PROM1: variants seen among roughly 807,000 people sequenced by gnomAD.
PROM1 encodes the protein prominin 1.
Under a neutral mutation model 116.9 loss-of-function variants are expected in PROM1, and 105 were observed. That is an observed-to-expected ratio of 0.90 (90% CI 0.77 to 1.06). The LOEUF (loss-of-function observed/expected upper bound fraction) is 1.06, where lower values mean the gene tolerates loss of function less well. Among genes scored for constraint, PROM1 ranks in the 50% least tolerant of loss-of-function variants. The pLI, the probability that PROM1 is intolerant of heterozygous loss-of-function variation, is 0.00. For synonymous variants in PROM1, 393 were observed against 387.0 expected (o/e 1.02, Z -0.18); for missense variants, 1,122 against 1,045.2 (o/e 1.07, Z -1.01).
At chr4:16,047,214 T>C (rs948055598) in intron 2 of PROM1, among the ~76,000 whole-genome samples, 1 of 151,042 alleles carries the variant, frequency 6.6e-6, no homozygotes. Context: ...ACTGCCTTTC[T>C]TTTTTTTTGA....
chr4:15,999,674 A>C (rs564612519), intron 14 of PROM1, among the ~76,000 whole-genome samples: 1 of 152,184 alleles, frequency 6.6e-6, no homozygotes, highest in African/African-American at 2.4e-5. Flanking sequence ...CAAAAGGCCA[A>C]ATGGAGATCA....
At chr4:16,082,772 G>C (rs1745279350) in intron 1 of PROM1, among the ~76,000 whole-genome samples, 1 of 152,126 alleles carries the variant, frequency 6.6e-6, no homozygotes, top group South Asian at 2.1e-4. Flanking sequence ...AGAGAGAAGG[G>C]GTTCTGGAGC....
intron 26 of PROM1, among the ~76,000 whole-genome samples, chr4:15,974,636 AT>A (rs142279535): frequency 7.6e-4 from 115 of 150,398 alleles, no homozygotes; most frequent in African/African-American, 1.6e-3. Flanking sequence ...ACATTAAATA[AT>A]TTTTTTTTTC....
intron 2 of PROM1, among the ~76,000 whole-genome samples, chr4:16,050,574 G>C (rs918856079): frequency 1.3e-5 from 2 of 152,084 alleles, no homozygotes; most frequent in Non-Finnish European, 2.9e-5. Flanking sequence ...GGGTGGTCTC[G>C]AACTCCTGGG....
chr4:16,083,821 AG>A (rs1745495748), intron 1 of PROM1, 156 bp downstream of exon 1: 1 of 150,652 alleles, frequency 6.6e-6, no homozygotes, highest in Non-Finnish European at 1.5e-5. Flanking sequence ...CCGGCCGCGG[AG>A]GGGCTCAGGC....
chr4:15,977,747 T>C (rs1203847968), intron 26 of PROM1, among the ~76,000 whole-genome samples: 2 of 152,152 alleles, frequency 1.3e-5, no homozygotes, highest in Admixed American at 6.5e-5. Flanking sequence ...TACAGGCGTG[T>C]GCCACCATAC....
intron 2 of PROM1, among the ~76,000 whole-genome samples, chr4:16,044,846 T>C (rs150500987): frequency 1.4e-3 from 215 of 152,224 alleles, no homozygotes; most frequent in African/African-American, 4.6e-3. Flanking sequence ...CAGGGGGAAG[T>C]AGGCAAACCA....
At chr4:15,970,770 T>C (rs955690911) in intron 27 of PROM1, among the ~76,000 whole-genome samples, 2 of 151,278 alleles carry the variant, frequency 1.3e-5, no homozygotes, top group Non-Finnish European at 2.9e-5. Context: ...GTAGCTGTTA[T>C]ACTGTATTGT....
chr4:15,991,018 T>A (rs533000326), intron 18 of PROM1, among the ~76,000 whole-genome samples: 15 of 152,226 alleles, frequency 9.9e-5, no homozygotes, highest in Admixed American at 6.5e-4. Context: ...CCCGACACCA[T>A]CCTGGCAACA....
In PROM1 at chr4:16,033,314, T is replaced by A; in HGVS notation, c.499A>T (p.Ile167Leu). 1 of 1,612,560 alleles carries A rather than the reference T, an allele frequency of 6.2e-7. No homozygotes were observed. The highest frequency in any genetic ancestry group is 1.3e-5 in the African/African-American group (1 of 75,002). ...CFAISLLVICIIISIGIFYGF... is the reference protein window; with the variant it reads ...CFAISLLVICLIISIGIFYGF... ...CAATATTGTACTTGCCTTATTATTA[T>A]ACAAATCACCAACAGGGAGATTGCA... Residue 167 changes from isoleucine (I) to leucine (L), a missense_variant, in exon 5 of 28, where the codon ATA becomes TTA. Coordinates refer to ENST00000447510, the MANE Select transcript of PROM1 (RefSeq NM_006017.3).
At chr4:15,979,367 G>T in intron 26 of PROM1, 28 bp downstream of exon 26, 1 of 1,613,422 alleles carries the variant, frequency 6.2e-7, no homozygotes, top group Non-Finnish European at 8.5e-7. Context: ...ATCATAGGGC[G>T]GGCATGCACT....
intron 15 of PROM1, among the ~76,000 whole-genome samples, chr4:15,994,297 A>G (rs1488344169): frequency 6.6e-6 from 1 of 152,230 alleles, no homozygotes; most frequent in African/African-American, 2.4e-5. Context: ...ATGCAATAGG[A>G]TTGATGAATA....
At chr4:16,073,413 G>A (rs1030597023) in intron 2 of PROM1, among the ~76,000 whole-genome samples, 2 of 151,962 alleles carry the variant, frequency 1.3e-5, no homozygotes, top group Non-Finnish European at 2.9e-5. Context: ...AAATGCATTG[G>A]CCCCAAATGG....
chr4:16,033,224 C>T (rs1733153833), intron 5 of PROM1, 80 bp downstream of exon 5: 9 of 1,265,798 alleles, frequency 7.1e-6, no homozygotes, highest in Non-Finnish European at 9.8e-6. Flanking sequence ...TAGTTTTAAA[C>T]TCATGGTTTA....
At chr4:16,074,977 C>T (rs577975826) in intron 2 of PROM1, among the ~76,000 whole-genome samples, 1 of 152,320 alleles carries the variant, frequency 6.6e-6, no homozygotes, top group South Asian at 2.1e-4. Flanking sequence ...ATTTAGGTGC[C>T]AAACCCTAGT....
At chr4:15,998,030 A>G (rs571012365) in intron 15 of PROM1, among the ~76,000 whole-genome samples, 1 of 152,206 alleles carries the variant, frequency 6.6e-6, no homozygotes, top group Non-Finnish European at 1.5e-5. Context: ...CAAATCACTG[A>G]ATCACCTGTT....
chr4:16,004,832 T>TTCTTTCTTTCTTTCTTTTTCTTCCTTC lies in PROM1; in HGVS notation c.1454+1705_1454+1706insGAAGGAAGAAAAAGAAAGAAAGAAAGA, dbSNP rs1203366908. Among the ~76,000 whole-genome samples, 30 of 122,606 alleles carry TTCTTTCTTTCTTTCTTTTTCTTCCTTC rather than the reference T, an allele frequency of 2.4e-4. No individual in the cohort carries two copies. The East Asian group carries it at 6.9e-3, about 28-fold the overall frequency. 80.4% of individuals were successfully genotyped at this position (122,606 alleles called of 152,430 possible). ...CTTTCTTTCTTTCTTTCTTTCTTTT[T>TTCTTTCTTTCTTTCTTTTTCTTCCTTC]CTTCCTTCCTTCCTTCCTTCCTTCC... On this transcript the variant is annotated intron_variant, in intron 13 of 27. Coordinates refer to ENST00000447510, the MANE Select transcript of PROM1 (RefSeq NM_006017.3).
At chr4:16,042,132 AAAG>A (rs1431614732) in intron 2 of PROM1, among the ~76,000 whole-genome samples, 1 of 152,158 alleles carries the variant, frequency 6.6e-6, no homozygotes, top group Non-Finnish European at 1.5e-5. Flanking sequence ...CTCTGAAATG[AAAG>A]AAGTGGAGCT....
intron 5 of PROM1, among the ~76,000 whole-genome samples, chr4:16,030,808 G>C (rs1732513474): frequency 6.6e-6 from 1 of 152,214 alleles, no homozygotes; most frequent in African/African-American, 2.4e-5. Flanking sequence ...CACTTTGGGA[G>C]GTCGAGGAGG....
Sources: gnomAD v4.1 joint callset for allele counts (sites outside exome capture counted in the v4.1 genomes callset) on GRCh38, gnomAD v4.1.1 for gene constraint, MANE v1.5 for transcripts, NCBI Gene and HGNC (gene_info 2026-07-23, HGNC 2026-07-21) for gene names.